CENPF: variants seen among roughly 807,000 people sequenced by gnomAD.
CENPF encodes centromere protein F, also known as AH antigen.
CENPF carries 214 observed loss-of-function variants against 307.3 expected under a neutral mutation model. The ratio of observed to expected loss-of-function variants is 0.70; its 90% CI spans 0.62 to 0.78. The LOEUF is 0.78. Ranked by LOEUF, CENPF falls within the 30% of genes least tolerant of loss-of-function variation. CENPF has a pLI of 0.00. For synonymous variants in CENPF, 1,259 were observed against 1,270.6 expected (o/e 0.99, Z 0.19); for missense variants, 3,401 against 3,483.9 (o/e 0.98, Z 0.60).
At chr1:214,632,426 A>G in intron 9 of CENPF, 54 bp from the exon 10 acceptor site, 5 of 1,575,206 alleles carry the variant, frequency 3.2e-6, no homozygotes, top group Non-Finnish European at 4.3e-6. Context: ...ATACATGATT[A>G]ATGAAAAAGT....
chr1:214,623,565 C>G (rs993185952), intron 7 of CENPF, among the ~76,000 whole-genome samples: 1 of 151,680 alleles, frequency 6.6e-6, no homozygotes, highest in Admixed American at 6.6e-5. Flanking sequence ...TGTTGTTGTT[C>G]TTGTTGTTGC....
chr1:214,629,518 A>T (rs2807666), intron 8 of CENPF, among the ~76,000 whole-genome samples: 1,787 of 150,594 alleles, frequency 0.012, 49 homozygotes, highest in African/African-American at 0.041. Context: ...GGCTTTTAAA[A>T]TTTTTTTTTC....
intron 9 of CENPF, among the ~76,000 whole-genome samples, chr1:214,631,921 C>T (rs1009922925): frequency 1.3e-5 from 2 of 152,172 alleles, no homozygotes; most frequent in African/African-American, 2.4e-5. Flanking sequence ...GAGGTAGTCT[C>T]GGTTTTTAAA....
intron 14 of CENPF, among the ~76,000 whole-genome samples, chr1:214,650,416 A>G (rs1658430844): frequency 6.6e-6 from 1 of 152,130 alleles, no homozygotes; most frequent in Non-Finnish European, 1.5e-5. Flanking sequence ...TATAGGGAGT[A>G]TTTAGAAATT....
rs1658261851 is a variant in CENPF at position 214,645,422 on chromosome 1, A to G, written c.5852A>G (p.Glu1951Gly). 1 of 1,614,054 alleles carries G rather than the reference A, an allele frequency of 6.2e-7. No homozygotes were observed. Among genetic ancestry groups the G allele is most frequent in the Admixed American group, 1.7e-5 (1 of 59,988 alleles). ...CAGAAGGTTATTGTCTGCCTTGAAG[A>G]AGAACTCTCAGTGGTCACAAGTGAG... is the stretch of plus-strand genomic sequence containing the variant. ...NKQKVIVCLEEELSVVTSERN... is the reference protein window; with the variant it reads ...NKQKVIVCLEGELSVVTSERN... The change falls in exon 13 of 20, where the codon GAA (glutamate) becomes GGA (glycine). Residue 1951 changes from glutamate to glycine, a missense_variant. Glu to Gly is a moderately conservative substitution (Grantham distance 98, BLOSUM62 -2). Coordinates refer to ENST00000366955, the MANE Select transcript of CENPF (RefSeq NM_016343.4).
intron 1 of CENPF, among the ~76,000 whole-genome samples, chr1:214,612,042 C>T (rs1001927880): frequency 3.3e-5 from 5 of 152,094 alleles, no homozygotes; most frequent in African/African-American, 1.2e-4. Flanking sequence ...TGGAAGAGGG[C>T]CTCCTTGCCA....
intron 6 of CENPF, among the ~76,000 whole-genome samples, chr1:214,621,809 C>T (rs912479235): frequency 7.2e-5 from 11 of 152,254 alleles, no homozygotes; most frequent in Admixed American, 1.3e-4. Flanking sequence ...AAGAAGATAG[C>T]GTTCCTGATT....
At chr1:214,653,057 T>C (rs773591849) in intron 16 of CENPF, 68 bp downstream of exon 16, 17 of 1,376,748 alleles carry the variant, frequency 1.2e-5, no homozygotes, top group South Asian at 3.5e-5. Flanking sequence ...TTTAATGGTA[T>C]AGCATTAAAC....
In CENPF at chr1:214,640,369, C is replaced by T. The variant is rs368651584; in HGVS notation, c.2031C>T (p.Val677=). The T allele has an allele frequency of 4.1e-5, 66 of 1,613,688 alleles. No individual in the cohort carries two copies. Among genetic ancestry groups the T allele is most frequent in the Non-Finnish European group, 5.1e-5 (60 of 1,179,998 alleles). Residue 677 remains valine (V), a synonymous_variant, in exon 12 of 20, where the codon GTC becomes GTT. Coordinates refer to ENST00000366955, the MANE Select transcript of CENPF (RefSeq NM_016343.4). ...AGATGGACAGAGAAAACCTAAGTGT[C>T]GAGATCAGAAACCTTCACAACGTGT... The part of the protein sequence containing the change: ...TLEMDRENLS[V]EIRNLHNVLD...
rs577762060 is a variant in CENPF at position 214,612,873 on chromosome 1, A to G, written c.-41-841A>G. The G allele has an allele frequency of 8.1e-5, 13 of 160,322 alleles. No homozygotes were observed. In the East Asian group the frequency reaches 1.9e-3, roughly 23 times the overall value. The allele number at this position is 160,322 out of a possible 1,614,324, so 9.9% of individuals were successfully genotyped here. A position where few individuals can be genotyped will look rare whatever the true frequency, so the allele number is the denominator to read the frequency against. On this transcript the variant is annotated intron_variant, in intron 1 of 19. Coordinates refer to ENST00000366955, the MANE Select transcript of CENPF (RefSeq NM_016343.4). ...CCTTTGAGGTCTACAAGGCATATCT[A>G]GAAAATTTACTACTGTGGAAGATGA... is the stretch of plus-strand genomic sequence containing the variant.
rs745561023 is a variant in CENPF at position 214,645,473 on chromosome 1, A to T, written c.5903A>T (p.Asp1968Val). 4 of 1,613,974 alleles carry T rather than the reference A, an allele frequency of 2.5e-6. No homozygotes were observed. The highest frequency in any genetic ancestry group is 3.4e-6 in the Non-Finnish European group (4 of 1,179,994). ...AGAAACCAGCTTCGTGGAGAATTAG[A>T]TACTATGTCAAAAAAAACCACGGCA... Reference protein sequence around the residue: ...SERNQLRGELDTMSKKTTALD... With the variant: ...SERNQLRGELVTMSKKTTALD... Residue 1968 changes from aspartate (D) to valine (V), a missense_variant, in exon 13 of 20, where the codon GAT (aspartate) becomes GTT (valine). By Grantham distance (152) the Asp-to-Val change is radical. Coordinates refer to ENST00000366955, the MANE Select transcript of CENPF (RefSeq NM_016343.4).
intron 9 of CENPF, among the ~76,000 whole-genome samples, chr1:214,631,296 A>C (rs1356652509): frequency 1.3e-5 from 2 of 152,022 alleles, no homozygotes; most frequent in African/African-American, 4.8e-5. Flanking sequence ...TTTTTCTCTT[A>C]CACTTGAATC....
intron 13 of CENPF, among the ~76,000 whole-genome samples, 176 bp downstream of exon 13, chr1:214,647,576 T>TG (rs1431652673): frequency 6.6e-6 from 1 of 152,252 alleles, no homozygotes; most frequent in African/African-American, 2.4e-5. Context: ...GAGTTGGCTC[T>TG]GGCAGTAGTC....
In CENPF at chr1:214,641,269, G is replaced by A. The variant is rs771671720; in HGVS notation, c.2931G>A (p.Gly977=). ...REIEELTQEN[G]TLKEINASLN... ...TTGAAGAGCTGACCCAAGAGAATGGGACTCTTAAGGAAATTAATGCATCCT... is the reference window on the plus strand; with the variant it reads ...TTGAAGAGCTGACCCAAGAGAATGGAACTCTTAAGGAAATTAATGCATCCT... Residue 977 remains glycine, a synonymous_variant, in exon 12 of 20, where the codon GGG becomes GGA. Coordinates refer to ENST00000366955, the MANE Select transcript of CENPF (RefSeq NM_016343.4). 2 of 1,601,266 alleles carry A rather than the reference G, an allele frequency of 1.2e-6. No homozygotes were observed. The highest frequency in any genetic ancestry group is 1.7e-6 in the Non-Finnish European group (2 of 1,176,888).
Position 214,645,321 on chromosome 1 carries a change from A to G in CENPF, c.5751A>G (p.Glu1917=). The G allele has an allele frequency of 6.2e-7, 1 of 1,614,146 alleles. No individual in the cohort carries two copies. Among genetic ancestry groups the G allele is most frequent in the East Asian group, 2.2e-5 (1 of 44,872 alleles). ...CGGAGAAAGCTAGCATTGAGCATGA[A>G]GCCCTCTACCTGGAGGCTGACTTAG... ...IRSEKASIEH[E]ALYLEADLEV... Residue 1917 remains glutamate, a synonymous_variant, in exon 13 of 20, where the codon GAA becomes GAG. Transcript: ENST00000366955.
rs746030782 is a variant in CENPF, at chr1:214,651,881, A to C, written c.8155A>C (p.Lys2719Gln). ...KHQALLLDTN[K>Q]QYEVEIQTYR... Reference sequence around the variant, plus strand: ...CCAGGCTTTGCTTTTGGACACAAACAAACAGGTGAAATGTGGGGTTTGGTT... The same window carrying C: ...CCAGGCTTTGCTTTTGGACACAAACCAACAGGTGAAATGTGGGGTTTGGTT... The change falls in exon 15 of 20, where the codon AAA (lysine) becomes CAA (glutamine). Residue 2719 changes from lysine (K) to glutamine (Q), a missense_variant. Transcript: ENST00000366955. 4.4e-6 allele frequency: 7 copies of C among 1,603,138 alleles called. No homozygotes were observed. The highest frequency in any genetic ancestry group is 5.9e-6 in the Non-Finnish European group (7 of 1,176,574).
chr1:214,629,791 A>G (rs1657754981), intron 8 of CENPF, among the ~76,000 whole-genome samples: 1 of 152,106 alleles, frequency 6.6e-6, no homozygotes, highest in Admixed American at 6.5e-5. Flanking sequence ...ACCTCAGGTG[A>G]TTCACCCACC....
At chr1:214,622,036 A>C (rs1423214067) in intron 6 of CENPF, 43 bp from the exon 7 acceptor site, 1 of 1,441,836 alleles carries the variant, frequency 6.9e-7, no homozygotes, top group Middle Eastern at 1.8e-4. Context: ...ATTTTGGGAA[A>C]GATATATATG....
At chr1:214,605,469 T>G in intron 1 of CENPF, 1 of 536,204 alleles carries the variant, frequency 1.9e-6, no homozygotes, top group East Asian at 3.1e-5. Flanking sequence ...ATTTTAAATC[T>G]TTAATTTCTG....
Sources: allele counts gnomAD v4.1 joint callset (sites outside exome capture counted in the v4.1 genomes callset), GRCh38; gene constraint gnomAD v4.1.1; transcripts MANE v1.5; gene names NCBI Gene and HGNC (gene_info 2026-07-23, HGNC 2026-07-21).